PLA2G4A: variants seen among roughly 807,000 people sequenced by gnomAD.
PLA2G4A encodes the protein phospholipase A2 group IVA.
A neutral mutation model predicts 81.9 loss-of-function variants in PLA2G4A; 40 were observed. The observed-to-expected ratio is 0.49, with a 90% CI of 0.38 to 0.64. The LOEUF is 0.64. Among genes scored for constraint, PLA2G4A ranks in the 30% least tolerant of loss-of-function variants. The probability of loss-of-function intolerance (pLI) is 0.00; values close to 1 mark genes in which losing one functional copy is unlikely to be tolerated. For missense variants in PLA2G4A, 715 were observed against 905.1 expected (o/e 0.79, Z 2.69); for synonymous variants, 302 against 296.9 (o/e 1.02, Z -0.18).
chr1:186,884,892 CA>C (rs59150767), intron 3 of PLA2G4A, among the ~76,000 whole-genome samples: 119,699 of 133,862 alleles, frequency 0.89, 53,318 homozygotes, highest in East Asian at 0.97. Flanking sequence ...ATCCTGTCTT[CA>C]AAAAAAAAAA....
intron 6 of PLA2G4A, among the ~76,000 whole-genome samples, chr1:186,910,536 A>G (rs1654902912): frequency 6.6e-6 from 1 of 152,130 alleles, no homozygotes; most frequent in Non-Finnish European, 1.5e-5. Flanking sequence ...GCAATATATA[A>G]TAATATATTG....
chr1:186,844,176 G>A (rs1346961867), intron 1 of PLA2G4A, among the ~76,000 whole-genome samples: 3 of 152,134 alleles, frequency 2.0e-5, no homozygotes, highest in African/African-American at 7.2e-5. Flanking sequence ...GGAACAGGGA[G>A]GTGTTCCTGT....
At chr1:186,953,363 C>T (rs568247583) in intron 13 of PLA2G4A, among the ~76,000 whole-genome samples, 12 of 152,300 alleles carry the variant, frequency 7.9e-5, no homozygotes, top group African/African-American at 2.9e-4. Context: ...ATCTGTATAT[C>T]GTTTTGATGA....
At chr1:186,985,738 T>TG (rs1444992939) in intron 17 of PLA2G4A, among the ~76,000 whole-genome samples, 4 of 151,982 alleles carry the variant, frequency 2.6e-5, no homozygotes, top group African/African-American at 9.7e-5. Flanking sequence ...AAAGATGACA[T>TG]GGGATAGGTG....
chr1:186,984,658 T>G (rs573608531), intron 17 of PLA2G4A, among the ~76,000 whole-genome samples: 9 of 152,206 alleles, frequency 5.9e-5, no homozygotes, highest in Admixed American at 1.3e-4. Context: ...TAAAAATAAT[T>G]TATAAGCTTA....
At chr1:186,928,146 C>T (rs760649073) in intron 7 of PLA2G4A, among the ~76,000 whole-genome samples, 11 of 152,076 alleles carry the variant, frequency 7.2e-5, no homozygotes, top group Non-Finnish European at 1.5e-4. Flanking sequence ...GGAAACTGGC[C>T]TAACTGGTCT....
intron 8 of PLA2G4A, among the ~76,000 whole-genome samples, chr1:186,937,721 A>G (rs1656003260): frequency 1.1e-5 from 1 of 93,974 alleles, no homozygotes; most frequent in Admixed American, 9.3e-5. Context: ...GAAGTCTTGT[A>G]TAATAGACTA....
At chr1:186,864,675 G>A (rs1295413769) in intron 2 of PLA2G4A, among the ~76,000 whole-genome samples, 2 of 123,476 alleles carry the variant, frequency 1.6e-5, no homozygotes, top group Non-Finnish European at 3.7e-5. Flanking sequence ...TTATTATTTT[G>A]TTATTGAGTT....
At chr1:186,986,952 G>A (rs752697588) in intron 17 of PLA2G4A, among the ~76,000 whole-genome samples, 14 of 152,208 alleles carry the variant, frequency 9.2e-5, no homozygotes, top group African/African-American at 1.4e-4. Context: ...TTACCTTAAC[G>A]GACTCATTCA....
intron 3 of PLA2G4A, among the ~76,000 whole-genome samples, chr1:186,886,845 A>G (rs188062675): frequency 5.1e-4 from 78 of 152,292 alleles, no homozygotes; most frequent in Admixed American, 1.2e-3. Context: ...TGCCTTCTCA[A>G]TGTCAAAATG....
At chr1:186,857,127 A>AATATATATTATATAATTATATAATT (rs1558367734) in intron 2 of PLA2G4A, among the ~76,000 whole-genome samples, 85 of 42,968 alleles carry the variant, frequency 2.0e-3, no homozygotes, top group African/African-American at 0.011. Context: ...AATATTCTAT[A>AATATATATTATATAATTATATAATT]ATATATATTA....
chr1:186,877,660 G>A (rs1178660837), intron 3 of PLA2G4A, among the ~76,000 whole-genome samples: 1 of 126,402 alleles, frequency 7.9e-6, no homozygotes, highest in African/African-American at 3.0e-5. Flanking sequence ...TGTCACATGG[G>A]AGTATAATCA....
intron 17 of PLA2G4A, among the ~76,000 whole-genome samples, chr1:186,982,210 T>G (rs2102302810): frequency 6.6e-6 from 1 of 152,368 alleles, no homozygotes; most frequent in East Asian, 1.9e-4. Context: ...CTCCAAGTCC[T>G]TTAGTTCTGA....
intron 10 of PLA2G4A, among the ~76,000 whole-genome samples, chr1:186,942,320 C>T (rs1017611904): frequency 1.3e-5 from 2 of 152,128 alleles, no homozygotes; most frequent in African/African-American, 4.8e-5. Context: ...GCATGCTAGT[C>T]AGATTTTTGC....
chr1:186,847,119 A>G (rs1652204609), intron 1 of PLA2G4A, among the ~76,000 whole-genome samples: 1 of 136,192 alleles, frequency 7.3e-6, no homozygotes, highest in South Asian at 2.6e-4. Context: ...ATATATTTAT[A>G]TTTGAACAAT....
intron 3 of PLA2G4A, among the ~76,000 whole-genome samples, chr1:186,888,081 GAAATTAGA>G (rs1263437198): frequency 6.6e-6 from 1 of 152,144 alleles, no homozygotes; most frequent in Non-Finnish European, 1.5e-5. Context: ...ATCAAGAGGA[GAAATTAGA>G]AACGCTGCCA....
intron 7 of PLA2G4A, among the ~76,000 whole-genome samples, chr1:186,913,364 T>C (rs78931555): frequency 0.022 from 3,407 of 152,020 alleles, 55 homozygotes; most frequent in South Asian, 0.05. Context: ...CAATCATATA[T>C]CTTAAAATCT....
At position 186,848,797 on chromosome 1, in the gene PLA2G4A, T is replaced by C. The variant is rs535566317; in HGVS notation, c.-69-5489T>C. 2.6e-5 allele frequency among the ~76,000 whole-genome samples: 4 copies of C among 151,926 alleles called. No individual in the cohort carries two copies. In the South Asian group the frequency reaches 8.3e-4, roughly 32 times the overall value. On this transcript the variant is annotated intron_variant, in intron 1 of 17. Coordinates refer to ENST00000367466, the MANE Select transcript of PLA2G4A (RefSeq NM_024420.3). ...GGGCAGAGAAGGGAGAGAGAGAAACTAGACTTGGACAGTTAGCTATCTTAA... is the reference window on the plus strand; with the variant it reads ...GGGCAGAGAAGGGAGAGAGAGAAACCAGACTTGGACAGTTAGCTATCTTAA...
intron 3 of PLA2G4A, 124 bp from the exon 4 acceptor site, chr1:186,892,887 C>G: frequency 2.7e-6 from 2 of 737,986 alleles, no homozygotes; most frequent in South Asian, 1.5e-5. Context: ...ATTATCTTGT[C>G]TCAGACATTT....
Sources: allele counts gnomAD v4.1 joint callset (sites outside exome capture counted in the v4.1 genomes callset), GRCh38; gene constraint gnomAD v4.1.1; transcripts MANE v1.5; gene names NCBI Gene and HGNC (gene_info 2026-07-23, HGNC 2026-07-21).